GATA1: variants seen among roughly 807,000 people sequenced by gnomAD.
The protein encoded by GATA1 is GATA binding protein 1.
GATA1 carries 2 observed loss-of-function variants against 18.9 expected under a neutral mutation model. The ratio of observed to expected loss-of-function variants is 0.11; its 90% CI spans 0.04 to 0.33. GATA1 has a LOEUF of 0.33. Among genes scored for constraint, GATA1 ranks in the 10% least tolerant of loss-of-function variants. The probability of loss-of-function intolerance (pLI) is 1.00; values close to 1 mark genes in which losing one functional copy is unlikely to be tolerated. For synonymous variants in GATA1, 152 were observed against 149.1 expected, an observed-to-expected ratio of 1.02 and a Z score of -0.14; for missense variants, 272 against 344.7, an observed-to-expected ratio of 0.79 and a Z score of 1.67.
At position 48,793,179 on chromosome X, in the gene GATA1, G is replaced by C. The variant is rs1557020426; in HGVS notation, c.752G>C (p.Ser251Thr). 8.3e-7 allele frequency: 1 copy of C among 1,210,302 alleles called. No individual in the cohort carries two copies. The highest frequency in any genetic ancestry group is 1.1e-6 in the Non-Finnish European group (1 of 894,831). The change falls in exon 5 of 6, where the codon AGT becomes ACT. Residue 251 changes from serine (S) to threonine (T), a missense_variant. Ser to Thr is a moderately conservative substitution (Grantham distance 58). Around this residue, in one of 3 missense-constraint regions of GATA1, gnomAD observed 42 missense variants for 103.2 expected, o/e 0.41. Coordinates refer to ENST00000376670, the MANE Select transcript of GATA1 (RefSeq NM_002049.4). Reference sequence around the variant, plus strand: ...CATCCTGTCGTCCCCTAGATTGTCAGTAAACGGGCAGGTACTCAGTGCACC... The same window carrying C: ...CATCCTGTCGTCCCCTAGATTGTCACTAAACGGGCAGGTACTCAGTGCACC... ...LIRPKKRLIVSKRAGTQCTNC... is the reference protein window; with the variant it reads ...LIRPKKRLIVTKRAGTQCTNC...
chrX:48,790,657 GA>G (rs1264213728), intron 1 of GATA1, among the ~76,000 whole-genome samples: 16 of 100,923 alleles, frequency 1.6e-4, no homozygotes, highest in African/African-American at 5.5e-4. Flanking sequence ...AAATGGGGAA[GA>G]GGGGGGCAAA....
rs1460124191 is a variant in GATA1 at position 48,794,154 on chromosome X, T to C, written c.1232T>C (p.Leu411Pro). The change falls in exon 6 of 6, where the codon CTC (leucine) becomes CCC (proline). Residue 411 changes from leucine to proline, a missense_variant. By Grantham distance (98) the Leu-to-Pro change is moderately conservative. This residue lies in a region of GATA1 where 83 missense variants were observed against 84.2 expected (regional missense o/e 0.99). Coordinates refer to ENST00000376670, the MANE Select transcript of GATA1 (RefSeq NM_002049.4). ...PTTSTTVVAP[L>P]SS Reference sequence around the variant, plus strand: ...ACCAGCACTACTGTGGTGGCTCCGCTCAGCTCATGAGGGCACAGAGCATGG... The same window carrying C: ...ACCAGCACTACTGTGGTGGCTCCGCCCAGCTCATGAGGGCACAGAGCATGG... The C allele has an allele frequency of 1.5e-5, 18 of 1,181,719 alleles. No homozygotes were observed. Among genetic ancestry groups the C allele is most frequent in the Non-Finnish European group, 2.0e-5 (18 of 880,342 alleles).
chrX:48,787,751 C>T (rs1219862049), intron 1 of GATA1, among the ~76,000 whole-genome samples: 1 of 111,293 alleles, frequency 9.0e-6, no homozygotes, highest in Non-Finnish European at 1.9e-5. Flanking sequence ...CTGACTTAAC[C>T]CCATATCTGA....
chrX:48,787,192 C>T (rs1249258248), intron 1 of GATA1, among the ~76,000 whole-genome samples: 2 of 111,039 alleles, frequency 1.8e-5, no homozygotes, highest in Middle Eastern at 4.2e-3. Context: ...CAAACCCACT[C>T]TTTGTTCCCA....
chrX:48,789,207 T>G (rs1439410983), intron 1 of GATA1, among the ~76,000 whole-genome samples: 1 of 107,855 alleles, frequency 9.3e-6, no homozygotes, highest in Non-Finnish European at 1.9e-5. Flanking sequence ...CTAGGGAGGC[T>G]GAGGCACGAG....
In GATA1 at chrX:48,793,305, C is replaced by A. The variant is rs370706809; in HGVS notation, c.870+8C>A. The A allele has an allele frequency of 8.3e-7, 1 of 1,206,989 alleles. No individual in the cohort carries two copies. Among genetic ancestry groups the A allele is most frequent in the African/African-American group, 1.8e-5 (1 of 56,424 alleles). ...TACTACAAGCTACACCAGGTGACGC[C>A]CTGCCCCTTGGAGCCACCCCTCTGC... On this transcript the variant is annotated splice_region_variant and intron_variant, in intron 5 of 5. Coordinates refer to ENST00000376670, the MANE Select transcript of GATA1 (RefSeq NM_002049.4).
At chrX:48,787,896 C>T (rs1184654518) in intron 1 of GATA1, among the ~76,000 whole-genome samples, 4 of 111,838 alleles carry the variant, frequency 3.6e-5, no homozygotes, top group East Asian at 2.8e-4. Context: ...GGGCTGGGGC[C>T]GAGGGAGAGT....
At chrX:48,789,117 G>A (rs1478562981) in intron 1 of GATA1, among the ~76,000 whole-genome samples, 2 of 111,787 alleles carry the variant, frequency 1.8e-5, no homozygotes, top group African/African-American at 6.5e-5. Context: ...GACCAGCCTG[G>A]CCAACATGGC....
intron 1 of GATA1, among the ~76,000 whole-genome samples, chrX:48,790,020 T>C (rs1270692999): frequency 2.0e-5 from 2 of 98,590 alleles, no homozygotes; most frequent in Non-Finnish European, 4.1e-5. Context: ...ACGGGGAGAA[T>C]AAGAGGAAGT....
Position 48,791,283 on chromosome X carries a change from G to A in GATA1, c.174G>A (p.Ala58=), listed in dbSNP as rs139614533. 210 of 1,205,216 alleles carry A rather than the reference G, an allele frequency of 1.7e-4. No homozygotes were observed. The East Asian group carries it at 3.4e-3, about 19-fold the overall frequency. The stretch of plus-strand genomic sequence containing the variant: ...CGAGCACAGCCACCGCTGCAGCTGC[G>A]GCACTGGCCTACTACAGGGACGCTG... ...TAPSTATAAA[A]ALAYYRDAEA... Residue 58 remains alanine, a synonymous_variant, in exon 2 of 6, where the codon GCG becomes GCA. Coordinates refer to ENST00000376670, the MANE Select transcript of GATA1 (RefSeq NM_002049.4).
At chrX:48,787,459 T>C (rs782057074) in intron 1 of GATA1, among the ~76,000 whole-genome samples, 69 of 110,899 alleles carry the variant, frequency 6.2e-4, no homozygotes, top group Admixed American at 3.0e-3. Context: ...CTAGCCACAT[T>C]CTGTCTGCCC....
At chrX:48,792,496 T>C in intron 4 of GATA1, 28 bp downstream of exon 4, 1 of 1,209,308 alleles carries the variant, frequency 8.3e-7, no homozygotes, top group South Asian at 1.8e-5. Context: ...CTTCACCTTA[T>C]ACACAGGAAC....
chrX:48,789,029 G>A lies in GATA1; in HGVS notation c.-19-2062G>A, dbSNP rs781987026. On this transcript the variant is annotated intron_variant, in intron 1 of 5. Coordinates refer to ENST00000376670, the MANE Select transcript of GATA1 (RefSeq NM_002049.4). ...CATTACAAAAGCACAGAAAGAGGTC[G>A]GGCGCAGTGGCTCACGCCTATAACC... Among the ~76,000 whole-genome samples the A allele has an allele frequency of 1.4e-4, 16 of 112,459 alleles. No homozygotes were observed. The South Asian group carries it at 3.2e-3, about 23-fold the overall frequency.
rs369454016 is a variant in GATA1, at chrX:48,792,298, C to T, written c.599-25C>T. Reference sequence around the variant, plus strand: ...AGTAAAGCTGAGCTGAGCCTAGCTCCCTCTTCTCCTCTCCACCCCACCAGA... The same window carrying T: ...AGTAAAGCTGAGCTGAGCCTAGCTCTCTCTTCTCCTCTCCACCCCACCAGA... On this transcript the variant is annotated intron_variant, in intron 3 of 5. Coordinates refer to ENST00000376670, the MANE Select transcript of GATA1 (RefSeq NM_002049.4). 17 of 1,209,800 alleles carry T rather than the reference C, an allele frequency of 1.4e-5. No homozygotes were observed. In the African/African-American group the frequency reaches 3.0e-4, roughly 21 times the overall value.
chrX:48,790,300 C>A (rs1204170917), intron 1 of GATA1, among the ~76,000 whole-genome samples: 3 of 108,575 alleles, frequency 2.8e-5, no homozygotes, highest in Non-Finnish European at 5.8e-5. Flanking sequence ...AAAAAAAAAA[C>A]AAAAACTAGC....
chrX:48,793,988 G>T lies in GATA1; in HGVS notation c.1066G>T (p.Gly356Cys). The part of the protein sequence containing the change: ...CGEVASGLTL[G>C]PPGTAHLYQG... ...GGAGGTGGCTTCAGGCCTGACACTGGGCCCCCCAGGTACTGCCCATCTCTA... is the reference window on the plus strand; with the variant it reads ...GGAGGTGGCTTCAGGCCTGACACTGTGCCCCCCAGGTACTGCCCATCTCTA... The change falls in exon 6 of 6, where the codon GGC becomes TGC. Residue 356 changes from glycine to cysteine, a missense_variant. Coordinates refer to ENST00000376670, the MANE Select transcript of GATA1 (RefSeq NM_002049.4). 1 of 1,208,399 alleles carries T rather than the reference G, an allele frequency of 8.3e-7. No homozygotes were observed. Among genetic ancestry groups the T allele is most frequent in the East Asian group, 3.0e-5 (1 of 33,682 alleles).
In GATA1 at chrX:48,788,729, A is replaced by G. The variant is rs1353273909; in HGVS notation, c.-20+2084A>G. The stretch of plus-strand genomic sequence containing the variant: ...CACAGAAACAGAGCAGGCCAGCACA[A>G]TAGGGCCAGGGCCAGCATTCCAGGC... On this transcript the variant is annotated intron_variant, in intron 1 of 5. Coordinates refer to ENST00000376670, the MANE Select transcript of GATA1 (RefSeq NM_002049.4). Among the ~76,000 whole-genome samples the G allele has an allele frequency of 2.7e-5, 3 of 111,666 alleles. No homozygotes were observed. In the Admixed American group the frequency reaches 2.8e-4, roughly 11 times the overall value.
Position 48,791,458 on chromosome X carries a change from T to C in GATA1, c.220+129T>C, listed in dbSNP as rs973059129. Reference sequence around the variant, plus strand: ...TGGCTGGAAGCTTCTCAAATGGATGTGCCGACCACTTTCCCTAGTTAAGTG... The same window carrying C: ...TGGCTGGAAGCTTCTCAAATGGATGCGCCGACCACTTTCCCTAGTTAAGTG... On this transcript the variant is annotated intron_variant, in intron 2 of 5. Transcript: ENST00000376670. The C allele has an allele frequency of 1.1e-5, 7 of 639,906 alleles. No homozygotes were observed. The African/African-American group carries it at 1.5e-4, about 14-fold the overall frequency. 52.7% of individuals were successfully genotyped at this position (639,906 alleles called of 1,213,427 possible).
chrX:48,787,106 ACT>A (rs1301151068), intron 1 of GATA1, among the ~76,000 whole-genome samples: 2 of 108,033 alleles, frequency 1.9e-5, no homozygotes, highest in Admixed American at 1.0e-4. Context: ...TCTTTGCCCC[ACT>A]CTCTCTGAGC....
Sources: allele counts gnomAD v4.1 joint callset (sites outside exome capture counted in the v4.1 genomes callset), GRCh38; gene constraint gnomAD v4.1.1; regional missense constraint gnomAD v4.1.1; transcripts MANE v1.5; gene names NCBI Gene and HGNC (gene_info 2026-07-23, HGNC 2026-07-21).